Variants in DISP1 observed in about 807,000 individuals in gnomAD.
DISP1 encodes protein dispatched homolog 1.
In DISP1, 30 loss-of-function variants were observed where a neutral mutation model predicts 37.3. That is an observed-to-expected ratio of 0.80 (90% CI 0.60 to 1.09). The LOEUF (loss-of-function observed/expected upper bound fraction) is 1.09. DISP1 is among the 50% of genes least tolerant of loss of function. The pLI is 0.00. For synonymous variants in DISP1, 634 were observed against 690.2 expected (o/e 0.92, Z 1.28); for missense variants, 1,598 against 1,879.5 (o/e 0.85, Z 2.77).
intron 1 of DISP1, among the ~76,000 whole-genome samples, chr1:222,887,678 T>G (rs1247894277): frequency 7.4e-6 from 1 of 135,644 alleles, no homozygotes; most frequent in African/African-American, 2.7e-5. Context: ...TTTTGTATTT[T>G]TAGTAGAGAC....
Position 222,865,786 on chromosome 1 carries a change from C to G in DISP1, c.-159+50708C>G, listed in dbSNP as rs75491648. Among the ~76,000 whole-genome samples, 175 of 151,926 alleles carry G rather than the reference C, an allele frequency of 1.2e-3. 2 individuals are homozygous for G. In the East Asian group the frequency reaches 0.031, roughly 27 times the overall value. ...CAGTCTAGTACTACTGATTTTTATA[C>G]ACACACACACAGATACACACACACA... On this transcript the variant is annotated intron_variant, in intron 1 of 8. Coordinates refer to ENST00000675850, the MANE Select transcript of DISP1 (RefSeq NM_001377229.1).
At chr1:222,889,463 T>A (rs1670822553) in intron 1 of DISP1, among the ~76,000 whole-genome samples, 1 of 152,126 alleles carries the variant, frequency 6.6e-6, no homozygotes, top group African/African-American at 2.4e-5. Context: ...ATGCAAACAG[T>A]AGCACTTGGG....
intron 1 of DISP1, among the ~76,000 whole-genome samples, chr1:222,889,466 C>G (rs537194894): frequency 6.6e-6 from 1 of 151,998 alleles, no homozygotes; most frequent in Non-Finnish European, 1.5e-5. Context: ...CAAACAGTAG[C>G]ACTTGGGATA....
chr1:222,942,643 G>A (rs1180784972), intron 2 of DISP1, among the ~76,000 whole-genome samples, 164 bp from the exon 3 acceptor site: 1 of 152,136 alleles, frequency 6.6e-6, no homozygotes, highest in Non-Finnish European at 1.5e-5. Context: ...GAGTGCCACT[G>A]TGTTGGCTGG....
chr1:222,912,454 T>G (rs1490800154), intron 1 of DISP1, among the ~76,000 whole-genome samples: 1 of 152,238 alleles, frequency 6.6e-6, no homozygotes, highest in East Asian at 1.9e-4. Context: ...TAGCTTCTGC[T>G]TTGCTTATGT....
intron 1 of DISP1, among the ~76,000 whole-genome samples, chr1:222,915,755 GTC>G (rs1246020378): frequency 1.3e-5 from 2 of 152,176 alleles, no homozygotes; most frequent in African/African-American, 4.8e-5. Context: ...GGTGATAAAT[GTC>G]TCTTCTGTTT....
At chr1:222,950,330 A>G (rs987155758) in intron 3 of DISP1, among the ~76,000 whole-genome samples, 1 of 152,190 alleles carries the variant, frequency 6.6e-6, no homozygotes, top group Non-Finnish European at 1.5e-5. Flanking sequence ...GGCCAGGCGC[A>G]GTGGCTCACG....
intron 1 of DISP1, among the ~76,000 whole-genome samples, chr1:222,870,636 T>G (rs570468134): frequency 8.4e-4 from 128 of 152,294 alleles, no homozygotes; most frequent in African/African-American, 3.0e-3. Context: ...TTGATGGGGT[T>G]GTTTGTTTTT....
intron 1 of DISP1, among the ~76,000 whole-genome samples, chr1:222,895,986 T>A (rs1002662057): frequency 6.6e-6 from 1 of 152,224 alleles, no homozygotes; most frequent in Non-Finnish European, 1.5e-5. Context: ...TACAAATTTC[T>A]GCTCTTCAAA....
chr1:223,005,279 G>A lies in DISP1; in HGVS notation c.3882G>A (p.Leu1294=), dbSNP rs1291596216. Residue 1294 remains leucine (L), a synonymous_variant, in exon 9 of 9, where the codon TTG becomes TTA. Transcript: ENST00000675850. ...CTTGCCAGCAGATGGGGGACTGCTTGTGCCACCAGTGCTCTCCTACCACTA... is the reference window on the plus strand; with the variant it reads ...CTTGCCAGCAGATGGGGGACTGCTTATGCCACCAGTGCTCTCCTACCACTA... ...PHSCQQMGDC[L]CHQCSPTTSS... The A allele has an allele frequency of 6.2e-7, 1 of 1,613,836 alleles. No individual in the cohort carries two copies. Among genetic ancestry groups the A allele is most frequent in the Middle Eastern group, 1.6e-4 (1 of 6,062 alleles).
intron 1 of DISP1, among the ~76,000 whole-genome samples, chr1:222,858,368 A>G (rs1021541039): frequency 6.6e-6 from 1 of 152,236 alleles, no homozygotes; most frequent in African/African-American, 2.4e-5. Flanking sequence ...ACCAAAAGCC[A>G]TAACAACCAT....
chr1:222,882,354 C>G (rs1418604056), intron 1 of DISP1, among the ~76,000 whole-genome samples: 1 of 152,068 alleles, frequency 6.6e-6, no homozygotes, highest in Non-Finnish European at 1.5e-5. Context: ...TTCTTCACTA[C>G]TAGAGGGTTA....
At chr1:222,881,044 G>A (rs1438860600) in intron 1 of DISP1, among the ~76,000 whole-genome samples, 1 of 152,124 alleles carries the variant, frequency 6.6e-6, no homozygotes, top group African/African-American at 2.4e-5. Context: ...CTGAGCAACA[G>A]AACAAGACCC....
rs557769880 is a variant in DISP1 at position 222,843,945 on chromosome 1, G to A, written c.-159+28867G>A. 3.3e-5 allele frequency among the ~76,000 whole-genome samples: 5 copies of A among 152,224 alleles called. No homozygotes were observed. The South Asian group carries it at 1.0e-3, about 32-fold the overall frequency. ...ATAGATATATTATACCCCTGTTGAA[G>A]TGTGGTGCTGGGGCTAGGAAAGGCA... On this transcript the variant is annotated intron_variant, in intron 1 of 8. Transcript: ENST00000675850.
chr1:222,848,476 A>G (rs1453267257), intron 1 of DISP1, among the ~76,000 whole-genome samples: 1 of 152,180 alleles, frequency 6.6e-6, no homozygotes, highest in African/African-American at 2.4e-5. Context: ...AGGATTCTTA[A>G]TTTTTATACT....
chr1:222,974,956 T>C (rs1253332920), intron 3 of DISP1, among the ~76,000 whole-genome samples: 1 of 152,222 alleles, frequency 6.6e-6, no homozygotes, highest in East Asian at 1.9e-4. Flanking sequence ...ACTTGCAGAA[T>C]AGCCTTTCAC....
At chr1:222,995,940 T>C (rs928967862) in intron 8 of DISP1, among the ~76,000 whole-genome samples, 1 of 152,216 alleles carries the variant, frequency 6.6e-6, no homozygotes, top group Non-Finnish European at 1.5e-5. Flanking sequence ...AGTCTCATTG[T>C]ACTAACATGA....
chr1:222,941,856 TTTG>T (rs1674405774), intron 2 of DISP1, among the ~76,000 whole-genome samples: 2 of 152,220 alleles, frequency 1.3e-5, no homozygotes, highest in East Asian at 1.9e-4. Context: ...CAGTTTTCTT[TTTG>T]TTGTTGTTGT....
rs1327970273 is a variant in DISP1 at position 222,939,830 on chromosome 1, C to CA, written c.-17-2964dup. Among the ~76,000 whole-genome samples, 108 of 114,008 alleles carry CA rather than the reference C, an allele frequency of 9.5e-4. 1 individual carries two copies. Among genetic ancestry groups the CA allele is most frequent in the South Asian group, 2.4e-3 (8 of 3,314 alleles). 74.8% of individuals were successfully genotyped at this position (114,008 alleles called of 152,430 possible). Reference sequence around the variant, plus strand: ...CCTGGGCAACAGATGGAGATCCTGTCAAAAAAAAAAAAAGGCCGGGCGCAG... The same window carrying CA: ...CCTGGGCAACAGATGGAGATCCTGTCAAAAAAAAAAAAAAGGCCGGGCGCAG... On this transcript the variant is annotated intron_variant, in intron 2 of 8. Transcript: ENST00000675850.
Sources: gnomAD v4.1 joint callset for allele counts (sites outside exome capture counted in the v4.1 genomes callset) on GRCh38, gnomAD v4.1.1 for gene constraint, MANE v1.5 for transcripts, NCBI Gene and HGNC (gene_info 2026-07-23, HGNC 2026-07-21) for gene names.